TRABD2B: variants seen among roughly 807,000 people sequenced by gnomAD.
TRABD2B encodes the protein TraB domain containing 2B.
In TRABD2B, 14 loss-of-function variants were observed where a neutral mutation model predicts 40.1. The observed-to-expected ratio is 0.35, with a 90% CI of 0.23 to 0.55. The LOEUF (loss-of-function observed/expected upper bound fraction) is 0.55. Ranked by LOEUF, TRABD2B falls within the 20% of genes least tolerant of loss-of-function variation. The pLI, the probability that TRABD2B is intolerant of heterozygous loss-of-function variation, is 0.90. For synonymous variants in TRABD2B, 263 were observed against 277.0 expected, an observed-to-expected ratio of 0.95 and a Z score of 0.50; for missense variants, 541 against 648.6, an observed-to-expected ratio of 0.83 and a Z score of 1.80.
chr1:47,962,327 C>T (rs303918), intron 2 of TRABD2B, among the ~76,000 whole-genome samples: 19,211 of 152,026 alleles, frequency 0.13, 1,395 homozygotes, highest in African/African-American at 0.2. Context: ...CAAACCTGCA[C>T]GTTATGCACA....
At chr1:47,881,561 C>T (rs1644304628) in intron 2 of TRABD2B, among the ~76,000 whole-genome samples, 1 of 152,184 alleles carries the variant, frequency 6.6e-6, no homozygotes, top group African/African-American at 2.4e-5. Context: ...CGCTAAGAAA[C>T]AAACCCAAAG....
At chr1:47,770,641 C>T (rs1004819903) in intron 6 of TRABD2B, among the ~76,000 whole-genome samples, 1 of 152,234 alleles carries the variant, frequency 6.6e-6, no homozygotes, top group Non-Finnish European at 1.5e-5. Flanking sequence ...GGCTCCAGGG[C>T]TCTTCAGTGG....
intron 2 of TRABD2B, among the ~76,000 whole-genome samples, chr1:47,948,301 C>T (rs1177715329): frequency 2.6e-5 from 4 of 152,080 alleles, no homozygotes; most frequent in Non-Finnish European, 5.9e-5. Context: ...CAGCTAAAGG[C>T]CAATAAGCAA....
At chr1:47,816,908 TAA>T (rs1222414817) in intron 2 of TRABD2B, among the ~76,000 whole-genome samples, 1 of 152,216 alleles carries the variant, frequency 6.6e-6, no homozygotes, top group African/African-American at 2.4e-5. Flanking sequence ...ACACAGCAAG[TAA>T]GTGGTGGATG....
At chr1:47,869,655 A>G (rs943127385) in intron 2 of TRABD2B, among the ~76,000 whole-genome samples, 4 of 152,164 alleles carry the variant, frequency 2.6e-5, no homozygotes, top group Non-Finnish European at 5.9e-5. Flanking sequence ...GGGAGAGGGC[A>G]GAGAGAAGGC....
At chr1:47,992,371 G>C (rs1254772436) in intron 2 of TRABD2B, among the ~76,000 whole-genome samples, 1 of 152,190 alleles carries the variant, frequency 6.6e-6, no homozygotes, top group Non-Finnish European at 1.5e-5. Flanking sequence ...GAACAGGAGT[G>C]TCTCCCGACC....
At chr1:47,780,934 T>C (rs2124108482) in intron 4 of TRABD2B, among the ~76,000 whole-genome samples, 1 of 152,330 alleles carries the variant, frequency 6.6e-6, no homozygotes, top group Non-Finnish European at 1.5e-5. Flanking sequence ...CCAGCCTCAG[T>C]TTTCTTGTGC....
chr1:47,851,936 A>G (rs1645555242), intron 2 of TRABD2B, among the ~76,000 whole-genome samples: 1 of 152,206 alleles, frequency 6.6e-6, no homozygotes, highest in African/African-American at 2.4e-5. Flanking sequence ...TGGCTACAGA[A>G]TTTGTGCTCT....
chr1:47,785,547 C>T (rs899462185), intron 4 of TRABD2B, among the ~76,000 whole-genome samples: 7 of 152,230 alleles, frequency 4.6e-5, no homozygotes, highest in Non-Finnish European at 8.8e-5. Context: ...TTACAAATTC[C>T]GAGAGGAGCA....
intron 2 of TRABD2B, among the ~76,000 whole-genome samples, chr1:47,883,377 G>A (rs1384600337): frequency 1.3e-5 from 2 of 152,142 alleles, no homozygotes; most frequent in Non-Finnish European, 2.9e-5. Flanking sequence ...TGATGTTCAA[G>A]TTCATCTCAG....
chr1:47,781,507 C>T (rs752016973), intron 4 of TRABD2B, among the ~76,000 whole-genome samples: 21 of 152,336 alleles, frequency 1.4e-4, no homozygotes, highest in East Asian at 3.9e-4. Context: ...CAATGGTCCA[C>T]GTGTCTGGCC....
chr1:47,911,987 G>A (rs941558677), intron 2 of TRABD2B, among the ~76,000 whole-genome samples: 1 of 151,770 alleles, frequency 6.6e-6, no homozygotes, highest in East Asian at 1.9e-4. Flanking sequence ...ATCACGCAAC[G>A]CCCAAGTACT....
chr1:47,800,081 G>A (rs1644801847), intron 3 of TRABD2B, among the ~76,000 whole-genome samples: 2 of 151,654 alleles, frequency 1.3e-5, no homozygotes, highest in Admixed American at 6.6e-5. Context: ...TCTGGGCCAG[G>A]GGCTGCTCCA....
chr1:47,895,323 T>C (rs888462608), intron 2 of TRABD2B, among the ~76,000 whole-genome samples: 9 of 152,036 alleles, frequency 5.9e-5, no homozygotes, highest in African/African-American at 2.2e-4. Context: ...ACAGCCTGTA[T>C]CTGATCACTC....
chr1:47,798,916 T>C (rs1376435718), intron 3 of TRABD2B, among the ~76,000 whole-genome samples: 1 of 152,216 alleles, frequency 6.6e-6, no homozygotes, highest in Non-Finnish European at 1.5e-5. Flanking sequence ...TTTCTGCACC[T>C]TGGGGTAGGG....
rs552132165 is a variant in TRABD2B at position 47,936,848 on chromosome 1, AATC to A, written c.666+57183_666+57185del. Among the ~76,000 whole-genome samples the A allele has an allele frequency of 5.2e-4, 75 of 144,264 alleles. No homozygotes were observed. In the Middle Eastern group the frequency reaches 0.021, roughly 40 times the overall value. 94.6% of individuals were successfully genotyped at this position (144,264 alleles called of 152,430 possible). ...TACAACACATTGATCAACAAATAAGAATCATCATCATCATCACCACCACCACCA... is the reference window on the plus strand; with the variant it reads ...TACAACACATTGATCAACAAATAAGAATCATCATCATCACCACCACCACCA... On this transcript the variant is annotated intron_variant, in intron 2 of 6. Transcript: ENST00000606738.
At chr1:47,779,498 G>A (rs560465662) in intron 4 of TRABD2B, among the ~76,000 whole-genome samples, 1 of 152,346 alleles carries the variant, frequency 6.6e-6, no homozygotes, top group South Asian at 2.1e-4. Flanking sequence ...TTTGGGAGTG[G>A]AAATCGTCTT....
At chr1:47,876,575 T>G (rs1026102072) in intron 2 of TRABD2B, among the ~76,000 whole-genome samples, 43 of 152,178 alleles carry the variant, frequency 2.8e-4, no homozygotes, top group African/African-American at 1.0e-3. Context: ...ACTTCAGGAT[T>G]CAGAGCTCTC....
chr1:47,962,809 C>A (rs1234677001), intron 2 of TRABD2B, among the ~76,000 whole-genome samples: 1 of 152,212 alleles, frequency 6.6e-6, no homozygotes, highest in African/African-American at 2.4e-5. Context: ...CCAGTGGGGC[C>A]ACCCTGCACA....
Sources: gnomAD v4.1 joint callset for allele counts (sites outside exome capture counted in the v4.1 genomes callset) on GRCh38, gnomAD v4.1.1 for gene constraint, MANE v1.5 for transcripts, NCBI Gene and HGNC (gene_info 2026-07-23, HGNC 2026-07-21) for gene names.